The following PDE4DIP variants were observed in gnomAD, a reference collection of about 807,000 sequenced individuals.
PDE4DIP encodes myomegalin.
A neutral mutation model predicts 221.4 loss-of-function variants in PDE4DIP; 59 were observed. The observed-to-expected ratio is 0.27, with a 90% CI of 0.22 to 0.33. The LOEUF (loss-of-function observed/expected upper bound fraction) is 0.33, where lower values mean the gene tolerates loss of function less well. Ranked by LOEUF, PDE4DIP falls within the 10% of genes least tolerant of loss-of-function variation. PDE4DIP has a pLI of 1.00. For missense variants in PDE4DIP, 1,036 were observed against 2,154.2 expected, an observed-to-expected ratio of 0.48 and a Z score of 10.28; for synonymous variants, 404 against 815.9, an observed-to-expected ratio of 0.50 and a Z score of 8.60.
intron 5 of PDE4DIP, chr1:148,938,401 T>G (rs2049742849): frequency 6.6e-6 from 1 of 151,958 alleles, no homozygotes; most frequent in Admixed American, 6.6e-5. Flanking sequence ...CAGTGACATT[T>G]CATGACCTTT....
At chr1:148,862,274 T>C (rs1176752509) in intron 1 of PDE4DIP, among the ~76,000 whole-genome samples, 31 of 151,162 alleles carry the variant, frequency 2.1e-4, no homozygotes, top group African/African-American at 7.3e-4. Flanking sequence ...GGGATTTTTG[T>C]CTGTTTTGCT....
chr1:149,009,365 T>C (rs1320971702), intron 29 of PDE4DIP: 1 of 584,176 alleles, frequency 1.7e-6, no homozygotes, highest in Non-Finnish European at 3.0e-6. Flanking sequence ...CCTCAGCATA[T>C]TATGTGGCCA....
chr1:148,956,257 G>A (rs2055294770), intron 5 of PDE4DIP, among the ~76,000 whole-genome samples: 1 of 151,858 alleles, frequency 6.6e-6, no homozygotes, highest in Non-Finnish European at 1.5e-5. Context: ...TTATCTTAAA[G>A]AGCAAGATTG....
Position 149,010,298 on chromosome 1 carries a change from A to C in PDE4DIP, c.4928-145A>C, listed in dbSNP as rs587685539. 8.4e-4 allele frequency: 531 copies of C among 628,422 alleles called. 1 individual carries two copies. Among genetic ancestry groups the C allele is most frequent in the Non-Finnish European group, 2.6e-4 (92 of 352,786 alleles). The allele number at this position is 628,422 out of a possible 1,614,324, so 38.9% of individuals were successfully genotyped here. Reference sequence around the variant, plus strand: ...ACTATAGGAGCTGTCTGCAAGCAAGAAAATGAACACTGCTAACAGTGCTTG... The same window carrying C: ...ACTATAGGAGCTGTCTGCAAGCAAGCAAATGAACACTGCTAACAGTGCTTG... On this transcript the variant is annotated intron_variant, in intron 30 of 43. Transcript: ENST00000369354.
chr1:148,963,009 C>A (rs1347385995), intron 9 of PDE4DIP, among the ~76,000 whole-genome samples: 1 of 152,172 alleles, frequency 6.6e-6, no homozygotes, highest in Admixed American at 6.5e-5. Context: ...TCTCCCACTT[C>A]AGCCTCCAGA....
intron 5 of PDE4DIP, among the ~76,000 whole-genome samples, chr1:148,951,637 T>C (rs2053280340): frequency 6.6e-6 from 1 of 151,134 alleles, no homozygotes; most frequent in Admixed American, 6.6e-5. Flanking sequence ...ATGGTGGTAA[T>C]CTACTCGCGG....
At chr1:149,020,151 C>G (rs1553616346) in exon 36 of PDE4DIP, 7 of 454,604 alleles carry the variant, frequency 1.5e-5, no homozygotes, top group Non-Finnish European at 2.3e-5. Flanking sequence ...CACCAGAGCA[C>G]TCCCAGGAAA....
chr1:149,029,312 C>G (rs1363762318), intron 41 of PDE4DIP, among the ~76,000 whole-genome samples: 1 of 152,182 alleles, frequency 6.6e-6, no homozygotes, highest in Non-Finnish European at 1.5e-5. Flanking sequence ...GCACCAATAC[C>G]TTTTGGATCC....
At chr1:148,932,462 TA>T in intron 4 of PDE4DIP, 174 bp downstream of exon 7, 1 of 1,559,470 alleles carries the variant, frequency 6.4e-7, no homozygotes. Flanking sequence ...TGGTATCCAT[TA>T]TGAAAACTCA....
rs374478558 is a variant in PDE4DIP at position 149,030,357 on chromosome 1, G to A, written c.6999+79G>A. 14 of 1,552,128 alleles carry A rather than the reference G, an allele frequency of 9.0e-6. No homozygotes were observed. The East Asian group carries it at 3.1e-4, about 35-fold the overall frequency. ...CCATCCGTTAGCAGATCTTGTAGGT[G>A]ACCCTTGGCCTGCTTTGGCCTTCCA... On this transcript the variant is annotated intron_variant, in intron 43 of 43. Transcript: ENST00000369354.
chr1:148,982,279 A>G (rs2061246563), intron 21 of PDE4DIP: 1 of 152,220 alleles, frequency 6.6e-6, no homozygotes, highest in African/African-American at 2.4e-5. Context: ...ATAATTTCAA[A>G]TGTAGTATCC....
intron 32 of PDE4DIP, among the ~76,000 whole-genome samples, chr1:149,013,255 G>T (rs2069200612): frequency 6.7e-6 from 1 of 150,148 alleles, no homozygotes; most frequent in Admixed American, 6.6e-5. Flanking sequence ...AAAGGGTAAT[G>T]ATAGAGGGAT....
intron 21 of PDE4DIP, chr1:148,981,943 A>G (rs1417461531): frequency 2.5e-5 from 4 of 158,866 alleles, no homozygotes; most frequent in African/African-American, 9.6e-5. Flanking sequence ...TATAAGAATG[A>G]CTTTGCAAAA....
At chr1:149,022,717 G>A (rs112244618) in intron 37 of PDE4DIP, among the ~76,000 whole-genome samples, 2 of 151,222 alleles carry the variant, frequency 1.3e-5, no homozygotes, top group African/African-American at 2.4e-5. Context: ...CAGGGTAAAA[G>A]TTGACATTCT....
At chr1:149,020,032 G>A in intron 35 of PDE4DIP, 115 bp from the exon 39 acceptor site, 2 of 592,910 alleles carry the variant, frequency 3.4e-6, no homozygotes, top group Admixed American at 3.1e-5. Flanking sequence ...CACCAACATA[G>A]GGCCTTCCTT....
chr1:148,934,873 G>A (rs1459550646), intron 4 of PDE4DIP, among the ~76,000 whole-genome samples: 1 of 152,018 alleles, frequency 6.6e-6, no homozygotes, highest in Non-Finnish European at 1.5e-5. Context: ...CAAAGTGCTG[G>A]GATTACAGGG....
intron 21 of PDE4DIP, chr1:148,982,118 CA>C (rs2061218718): frequency 6.6e-6 from 1 of 152,326 alleles, no homozygotes; most frequent in African/African-American, 2.4e-5. Context: ...CTGTTGTACA[CA>C]AGTGAAATTA....
chr1:148,813,945 C>CTT (rs56218480), intron 1 of PDE4DIP, among the ~76,000 whole-genome samples: 17 of 16,494 alleles, frequency 1.0e-3, no homozygotes, highest in African/African-American at 7.0e-3. Flanking sequence ...ATTTATCTGC[C>CTT]TTTTTTTTTT....
chr1:148,930,286 G>A (rs1161845065), intron 2 of PDE4DIP: 3 of 152,040 alleles, frequency 2.0e-5, no homozygotes, highest in African/African-American at 7.2e-5. Flanking sequence ...GGCCGAGGTG[G>A]GTGGATCACG....
Sources: allele counts gnomAD v4.1 joint callset (sites outside exome capture counted in the v4.1 genomes callset), GRCh38; gene constraint gnomAD v4.1.1; transcripts MANE v1.5; gene names NCBI Gene and HGNC (gene_info 2026-07-23, HGNC 2026-07-21).